The following ST6GAL2 variants were observed in gnomAD, a reference collection of about 807,000 sequenced individuals.
ST6GAL2 encodes the protein ST6 beta-galactoside alpha-2,6-sialyltransferase 2, also known as beta-galactoside alpha-2,6-sialyltransferase 2.
A neutral mutation model predicts 37.5 loss-of-function variants in ST6GAL2; 24 were observed. The ratio of observed to expected loss-of-function variants is 0.64; its 90% CI spans 0.46 to 0.90. The LOEUF (loss-of-function observed/expected upper bound fraction) is 0.90, where lower values mean the gene tolerates loss of function less well. Ranked by LOEUF, ST6GAL2 falls within the 40% of genes least tolerant of loss-of-function variation. The probability of loss-of-function intolerance (pLI) is 0.00; values close to 1 mark genes in which losing one functional copy is unlikely to be tolerated. For missense variants in ST6GAL2, 715 were observed against 712.7 expected, an observed-to-expected ratio of 1.00 and a Z score of -0.04; for synonymous variants, 306 against 295.1, an observed-to-expected ratio of 1.04 and a Z score of -0.38.
chr2:106,815,826 T>A (rs927276773), intron 5 of ST6GAL2, among the ~76,000 whole-genome samples: 1 of 152,260 alleles, frequency 6.6e-6, no homozygotes, highest in East Asian at 1.9e-4. Context: ...ACACATAAAG[T>A]GACAGGCCAG....
At chr2:106,872,613 A>AT (rs1018680119) in intron 1 of ST6GAL2, among the ~76,000 whole-genome samples, 17 of 151,684 alleles carry the variant, frequency 1.1e-4, no homozygotes, top group South Asian at 2.1e-4. Context: ...TTATTTATTT[A>AT]TTATTATTAT....
chr2:106,857,387 A>G (rs1407193938), intron 1 of ST6GAL2, among the ~76,000 whole-genome samples: 1 of 152,090 alleles, frequency 6.6e-6, no homozygotes, highest in Non-Finnish European at 1.5e-5. Context: ...AGGATCATCT[A>G]AGGTCAGGAG....
chr2:106,886,780 G>T (rs1309296180), upstream of ST6GAL2: 1 of 151,850 alleles, frequency 6.6e-6, no homozygotes. Flanking sequence ...CCCTCCCCGC[G>T]CCCCCGGCCC....
At chr2:106,877,436 T>C (rs962896820) in intron 1 of ST6GAL2, among the ~76,000 whole-genome samples, 1 of 152,242 alleles carries the variant, frequency 6.6e-6, no homozygotes, top group Non-Finnish European at 1.5e-5. Context: ...TGTGCAATGA[T>C]GTCACTCGCC....
chr2:106,874,074 C>G (rs572009588), intron 1 of ST6GAL2, among the ~76,000 whole-genome samples: 6 of 152,286 alleles, frequency 3.9e-5, no homozygotes, highest in Admixed American at 2.0e-4. Flanking sequence ...ACCTCCAGGG[C>G]TCAGTACCAC....
At chr2:106,870,849 C>T (rs926547922) in intron 1 of ST6GAL2, among the ~76,000 whole-genome samples, 1 of 152,136 alleles carries the variant, frequency 6.6e-6, no homozygotes, top group East Asian at 1.9e-4. Context: ...TGGCATAGCA[C>T]GGCTCATAAG....
At chr2:106,868,808 C>A (rs17033431) in intron 1 of ST6GAL2, among the ~76,000 whole-genome samples, 2,630 of 151,898 alleles carry the variant, frequency 0.017, 70 homozygotes, top group African/African-American at 0.061. Context: ...ATTGTGCCCC[C>A]ACATGTGTGA....
intron 1 of ST6GAL2, among the ~76,000 whole-genome samples, chr2:106,863,942 G>A (rs76595927): frequency 2.8e-4 from 43 of 152,252 alleles, no homozygotes; most frequent in Admixed American, 6.5e-4. Context: ...TGTTTAAAAC[G>A]CAACTACCTG....
At chr2:106,861,019 G>A (rs189485260) in intron 1 of ST6GAL2, among the ~76,000 whole-genome samples, 84 of 152,222 alleles carry the variant, frequency 5.5e-4, no homozygotes, top group African/African-American at 1.8e-3. Context: ...GCCAAATGCC[G>A]GAAACCTGAA....
intron 1 of ST6GAL2, among the ~76,000 whole-genome samples, chr2:106,862,299 A>G (rs142328680): frequency 6.6e-6 from 1 of 152,302 alleles, no homozygotes; most frequent in East Asian, 1.9e-4. Context: ...TCTTTGCTCT[A>G]CAAATGTTTG....
chr2:106,864,017 A>G (rs1322254213), intron 1 of ST6GAL2, among the ~76,000 whole-genome samples: 5 of 152,194 alleles, frequency 3.3e-5, no homozygotes, highest in African/African-American at 1.2e-4. Flanking sequence ...TGTCATGTCA[A>G]AACTTTCCTT....
At chr2:106,871,210 T>C (rs941546705) in intron 1 of ST6GAL2, among the ~76,000 whole-genome samples, 4 of 152,170 alleles carry the variant, frequency 2.6e-5, no homozygotes, top group African/African-American at 4.8e-5. Context: ...AGTAAAAATA[T>C]GGTATAAAAG....
chr2:106,843,720 G>T lies in ST6GAL2; in HGVS notation c.258C>A (p.Ala86=). 1 of 1,612,894 alleles carries T rather than the reference G, an allele frequency of 6.2e-7. No homozygotes were observed. ...ARQALPRAHP[A]GSFHAGPGDL... ...CTCCAGGCCCCGCATGAAAGGAACC[G>T]GCTGGGTGGGCGCGGGGCAGCGCCT... is the stretch of plus-strand genomic sequence containing the variant. Residue 86 remains alanine (A), a synonymous_variant, in exon 2 of 6, where the codon GCC becomes GCA. Transcript: ENST00000409382.
At chr2:106,829,512 G>A (rs1420192529) in intron 5 of ST6GAL2, among the ~76,000 whole-genome samples, 9 of 152,150 alleles carry the variant, frequency 5.9e-5, no homozygotes, top group Non-Finnish European at 1.5e-5. Context: ...GGATGGATGT[G>A]GGAGTGAAGT....
rs531009326 is a variant in ST6GAL2, at chr2:106,805,363, T to C, written c.*1315A>G. The stretch of plus-strand genomic sequence containing the variant: ...GAATGTTTCTGTTTCACTATATTCA[T>C]AGCAAAAATTTTTCAATGTATCAGT... On this transcript the variant is annotated 3_prime_UTR_variant, in exon 6 of 6. Coordinates refer to ENST00000409382, the MANE Select transcript of ST6GAL2 (RefSeq NM_001142351.2). 5.3e-5 allele frequency: 8 copies of C among 152,328 alleles called. No homozygotes were observed. The South Asian group carries it at 1.7e-3, about 32-fold the overall frequency. The allele number at this position is 152,328 out of a possible 1,614,324, so 9.4% of individuals were successfully genotyped here.
intron 5 of ST6GAL2, among the ~76,000 whole-genome samples, chr2:106,820,395 A>G (rs1158488171): frequency 6.6e-6 from 1 of 152,160 alleles, no homozygotes; most frequent in East Asian, 1.9e-4. Flanking sequence ...AGGTCATTAT[A>G]TAATGATAAA....
intron 5 of ST6GAL2, chr2:106,812,943 A>C: frequency 1.2e-6 from 1 of 864,096 alleles, no homozygotes; most frequent in Non-Finnish European, 1.5e-6. Context: ...AAAATTAACA[A>C]CTTTATCACT....
chr2:106,812,472 T>C (rs967214266), intron 5 of ST6GAL2, among the ~76,000 whole-genome samples: 2 of 152,084 alleles, frequency 1.3e-5, no homozygotes, highest in African/African-American at 2.4e-5. Context: ...AATTCCAGAC[T>C]CTCGGAAGGA....
In ST6GAL2 at chr2:106,884,934, T is replaced by TATATATATATACAC. The variant is rs1425070594; in HGVS notation, c.-58+1158_-58+1159insGTGTATATATATAT. Among the ~76,000 whole-genome samples, 512 of 120,350 alleles carry TATATATATATACAC rather than the reference T, an allele frequency of 4.3e-3. 6 individuals are homozygous for TATATATATATACAC. Among genetic ancestry groups the TATATATATATACAC allele is most frequent in the African/African-American group, 0.015 (421 of 28,080 alleles). 79.0% of individuals were successfully genotyped at this position (120,350 alleles called of 152,430 possible). On this transcript the variant is annotated intron_variant, in intron 1 of 5. Transcript: ENST00000409382. ...ATATATATATATATATATATATATATACATACACACACACACATATATACA... is the reference window on the plus strand; with the variant it reads ...ATATATATATATATATATATATATATATATATATATACACACATACACACACACACATATATACA...
Sources: gnomAD v4.1 joint callset for allele counts (sites outside exome capture counted in the v4.1 genomes callset) on GRCh38, gnomAD v4.1.1 for gene constraint, MANE v1.5 for transcripts, NCBI Gene and HGNC (gene_info 2026-07-23, HGNC 2026-07-21) for gene names.